Variants in AGPAT3 observed in about 807,000 individuals in gnomAD.
AGPAT3 encodes the protein 1-acyl-sn-glycerol-3-phosphate acyltransferase gamma.
A neutral mutation model predicts 47.3 loss-of-function variants in AGPAT3; 5 were observed. The observed-to-expected ratio is 0.11, with a 90% confidence interval of 0.06 to 0.22. The LOEUF is 0.22. AGPAT3 is among the 10% of genes least tolerant of loss of function. The pLI, the probability that AGPAT3 is intolerant of heterozygous loss-of-function variation, is 1.00. For synonymous variants in AGPAT3, 212 were observed against 208.3 expected (o/e 1.02, Z -0.15); for missense variants, 315 against 493.0 (o/e 0.64, Z 3.42).
chr21:43,981,739 C>A lies in AGPAT3; in HGVS notation c.1042+552C>A, dbSNP rs2146957694. ...ATTGAGGGGTCTCTGTCCGTGGAGACACAGTCCGTGTGCATCGCCCCGTGA... is the reference window on the plus strand; with the variant it reads ...ATTGAGGGGTCTCTGTCCGTGGAGAAACAGTCCGTGTGCATCGCCCCGTGA... On this transcript the variant is annotated intron_variant, in intron 9 of 9. Coordinates refer to ENST00000291572, the MANE Select transcript of AGPAT3 (RefSeq NM_020132.5). The surrounding 1 kb of genome is among the most constrained non-coding windows in gnomAD (Gnocchi z 5.3). 6.6e-6 allele frequency among the ~76,000 whole-genome samples: 1 copy of A among 152,142 alleles called. No homozygotes were observed. The highest frequency in any genetic ancestry group is 1.9e-4 in the East Asian group (1 of 5,142).
intron 1 of AGPAT3, among the ~76,000 whole-genome samples, chr21:43,878,148 C>T (rs886332917): frequency 5.3e-5 from 8 of 152,152 alleles, no homozygotes; most frequent in African/African-American, 1.9e-4. Context: ...CAGTGTCCCC[C>T]GACCTCACGC....
chr21:43,868,256 T>C (rs2085551880), intron 1 of AGPAT3, among the ~76,000 whole-genome samples: 1 of 152,204 alleles, frequency 6.6e-6, no homozygotes, highest in Non-Finnish European at 1.5e-5. Flanking sequence ...TGGGGTTAAA[T>C]TGGCCACGTC....
rs2086105815 is a variant in AGPAT3 at position 43,891,659 on chromosome 21, C to G, written c.-111-12298C>G. Among the ~76,000 whole-genome samples, 3 of 152,010 alleles carry G rather than the reference C, an allele frequency of 2.0e-5. No individual in the cohort carries two copies. In the South Asian group the frequency reaches 6.3e-4, roughly 32 times the overall value. On this transcript the variant is annotated intron_variant, in intron 1 of 9. Coordinates refer to ENST00000291572, the MANE Select transcript of AGPAT3 (RefSeq NM_020132.5). ...ACAAAAAAAAAAAAAGGGAGCAACT[C>G]CTCACCTGTTCAAGTTTGATCATGA...
intron 1 of AGPAT3, among the ~76,000 whole-genome samples, chr21:43,890,383 A>C (rs905788852): frequency 1.3e-5 from 2 of 152,144 alleles, no homozygotes; most frequent in Non-Finnish European, 2.9e-5. Context: ...ATTGTGAGCC[A>C]ATTCAACCTC....
chr21:43,886,621 C>T (rs1329763475), intron 1 of AGPAT3, among the ~76,000 whole-genome samples: 3 of 152,176 alleles, frequency 2.0e-5, no homozygotes, highest in Admixed American at 2.0e-4. Flanking sequence ...CCCCCATATC[C>T]TTCCCAGCCT....
rs371899575 is a variant in AGPAT3 at position 43,984,681 on chromosome 21, AT to A, written c.*2301del. 18,836 of 125,282 alleles carry A rather than the reference AT, an allele frequency of 0.15. 1,475 individuals carry two copies. The highest frequency in any genetic ancestry group is 0.25 in the African/African-American group (7,856 of 30,904). The allele number at this position is 125,282 out of a possible 1,614,324, so 7.8% of individuals were successfully genotyped here. On this transcript the variant is annotated 3_prime_UTR_variant, in exon 10 of 10. Transcript: ENST00000291572. Reference sequence around the variant, plus strand: ...TAAAAACTACACCATGAATGTTTGAATTTTTTTTTTTTGGGGGGGGGAGGGT... The same window carrying A: ...TAAAAACTACACCATGAATGTTTGAATTTTTTTTTTTGGGGGGGGGAGGGT...
Position 43,955,196 on chromosome 21 carries a change from C to A in AGPAT3, c.-48-4438C>A. On this transcript the variant is annotated intron_variant, in intron 2 of 9. Coordinates refer to ENST00000291572, the MANE Select transcript of AGPAT3 (RefSeq NM_020132.5). The surrounding 1 kb of genome is among the most constrained non-coding windows in gnomAD (Gnocchi z 4.1). Reference sequence around the variant, plus strand: ...TCTCAGAAGCACCGCGCTGGACCGGCTGGGCCAGATGCCATGGGATTCTGT... The same window carrying A: ...TCTCAGAAGCACCGCGCTGGACCGGATGGGCCAGATGCCATGGGATTCTGT... The A allele has an allele frequency of 7.9e-7, 1 of 1,257,896 alleles. No individual in the cohort carries two copies. Among genetic ancestry groups the A allele is most frequent in the Non-Finnish European group, 1.0e-6 (1 of 968,706 alleles). The allele number at this position is 1,257,896 out of a possible 1,614,324, so 77.9% of individuals were successfully genotyped here.
In AGPAT3 at chr21:43,968,683, C is replaced by T. The variant is rs557188237; in HGVS notation, c.349-435C>T. On this transcript the variant is annotated intron_variant, in intron 4 of 9. Coordinates refer to ENST00000291572, the MANE Select transcript of AGPAT3 (RefSeq NM_020132.5). ...CTCAGCTGTCCCCGAGCTGTGCCCT[C>T]CTTTCTCATCATGGCCTTTGCCTTT... Among the ~76,000 whole-genome samples the T allele has an allele frequency of 3.9e-5, 6 of 152,188 alleles. No individual in the cohort carries two copies. The South Asian group carries it at 1.2e-3, about 31-fold the overall frequency.
At chr21:43,946,087 C>T (rs1020934816) in intron 2 of AGPAT3, among the ~76,000 whole-genome samples, 4 of 152,208 alleles carry the variant, frequency 2.6e-5, no homozygotes, top group African/African-American at 4.8e-5. Context: ...GCCCCAGGGA[C>T]GGGAGGGCTC....
chr21:43,961,495 A>AGCGCGT (rs879666216), intron 3 of AGPAT3, among the ~76,000 whole-genome samples: 38 of 139,052 alleles, frequency 2.7e-4, no homozygotes, highest in South Asian at 4.9e-4. Flanking sequence ...GAAAACAGTG[A>AGCGCGT]ACGCGTAGAC....
Position 43,981,269 on chromosome 21 carries a change from C to G in AGPAT3, c.1042+82C>G. 2.0e-6 allele frequency: 3 copies of G among 1,468,294 alleles called. No homozygotes were observed. The highest frequency in any genetic ancestry group is 2.8e-6 in the Non-Finnish European group (3 of 1,054,832). 91.0% of individuals were successfully genotyped at this position (1,468,294 alleles called of 1,614,324 possible). ...CAGGGTCCGGGACCTGGTGACTCAT[C>G]ACAGTGGCTGTGGGAGGCAGGGGCC... On this transcript the variant is annotated intron_variant, in intron 9 of 9. Coordinates refer to ENST00000291572, the MANE Select transcript of AGPAT3 (RefSeq NM_020132.5). This position sits in a 1 kb window ranked among gnomAD's most constrained non-coding sequence, Gnocchi z 5.3.
rs539272992 is a variant in AGPAT3 at position 43,922,343 on chromosome 21, C to G, written c.-49+18324C>G. Reference sequence around the variant, plus strand: ...GGAAGCGTGGGGGGAAGCGTGCGTGCGAAGGAGTGCAGCCCCCAGGACGCT... The same window carrying G: ...GGAAGCGTGGGGGGAAGCGTGCGTGGGAAGGAGTGCAGCCCCCAGGACGCT... On this transcript the variant is annotated intron_variant, in intron 2 of 9. Transcript: ENST00000291572. The surrounding 1 kb of genome is among the most constrained non-coding windows in gnomAD (Gnocchi z 4.9). 1.3e-5 allele frequency among the ~76,000 whole-genome samples: 2 copies of G among 152,168 alleles called. No individual in the cohort carries two copies. Among genetic ancestry groups the G allele is most frequent in the East Asian group, 1.9e-4 (1 of 5,202 alleles).
intron 3 of AGPAT3, among the ~76,000 whole-genome samples, chr21:43,961,535 T>C (rs1369539489): frequency 6.9e-6 from 1 of 144,772 alleles, no homozygotes; most frequent in South Asian, 2.2e-4. Flanking sequence ...GGTGAGCGCG[T>C]ATACACTTTG....
chr21:43,874,942 GTA>G lies in AGPAT3; in HGVS notation c.-112+9599_-112+9600del, dbSNP rs1401360274. Among the ~76,000 whole-genome samples the G allele has an allele frequency of 2.0e-5, 3 of 152,122 alleles. No homozygotes were observed. The South Asian group carries it at 6.2e-4, about 31-fold the overall frequency. ...TAAGTTCCTGATATAAAATGGTGTCGTATTTGTATATAACCTGTGCACATTCT... is the reference window on the plus strand; with the variant it reads ...TAAGTTCCTGATATAAAATGGTGTCGTTTGTATATAACCTGTGCACATTCT... On this transcript the variant is annotated intron_variant, in intron 1 of 9. Transcript: ENST00000291572.
chr21:43,986,487 A>G lies in AGPAT3; in HGVS notation c.*4095A>G, dbSNP rs2030312253. 3 of 152,664 alleles carry G rather than the reference A, an allele frequency of 2.0e-5. 1 individual carries two copies. The highest frequency in any genetic ancestry group is 2.0e-4 in the Admixed American group (3 of 15,282). The allele number at this position is 152,664 out of a possible 1,614,324, so 9.5% of individuals were successfully genotyped here. On this transcript the variant is annotated 3_prime_UTR_variant, in exon 10 of 10. Coordinates refer to ENST00000291572, the MANE Select transcript of AGPAT3 (RefSeq NM_020132.5). ...AAGTCGAACTGTGAATGAGATACTG[A>G]AATGCACTAAATTGTATTACATTAA...
At chr21:43,976,564 T>C (rs2089630327) in intron 7 of AGPAT3, among the ~76,000 whole-genome samples, 3 of 152,244 alleles carry the variant, frequency 2.0e-5, no homozygotes, top group African/African-American at 7.2e-5. Flanking sequence ...CGTATAACTT[T>C]CATAATTGTT....
At chr21:43,937,840 T>C (rs548786270) in intron 2 of AGPAT3, among the ~76,000 whole-genome samples, 1 of 152,310 alleles carries the variant, frequency 6.6e-6, no homozygotes, top group African/African-American at 2.4e-5. Context: ...TTAGGACGCA[T>C]CCCATGAAAC....
chr21:43,901,677 G>A lies in AGPAT3; in HGVS notation c.-111-2280G>A, dbSNP rs576108542. 6.0e-4 allele frequency among the ~76,000 whole-genome samples: 91 copies of A among 152,218 alleles called. 1 individual carries two copies. Among genetic ancestry groups the A allele is most frequent in the African/African-American group, 2.1e-3 (88 of 41,524 alleles). ...TGGTCTCAGCTACTTAGGAGGCTGA[G>A]GTAGGAGGATGGCTTGAGCCCAGGA... is the stretch of plus-strand genomic sequence containing the variant. On this transcript the variant is annotated intron_variant, in intron 1 of 9. Coordinates refer to ENST00000291572, the MANE Select transcript of AGPAT3 (RefSeq NM_020132.5).
At chr21:43,888,100 G>T (rs2086021073) in intron 1 of AGPAT3, among the ~76,000 whole-genome samples, 1 of 152,152 alleles carries the variant, frequency 6.6e-6, no homozygotes, top group African/African-American at 2.4e-5. Flanking sequence ...GAGTGCAGTG[G>T]CACAGTCGCA....
Sources: allele counts gnomAD v4.1 joint callset (sites outside exome capture counted in the v4.1 genomes callset), GRCh38; gene constraint gnomAD v4.1.1; non-coding constraint Gnocchi (gnomAD v3.1); transcripts MANE v1.5; gene names NCBI Gene and HGNC (gene_info 2026-07-23, HGNC 2026-07-21).